The following ESRRB variants were observed in gnomAD, a reference collection of about 807,000 sequenced individuals.
The protein encoded by ESRRB is steroid hormone receptor ERR2.
ESRRB carries 16 observed loss-of-function variants against 46.0 expected under a neutral mutation model. The ratio of observed to expected loss-of-function variants is 0.35; its 90% CI spans 0.24 to 0.53. The LOEUF (loss-of-function observed/expected upper bound fraction) is 0.53. ESRRB is among the 20% of genes least tolerant of loss of function. The pLI is 0.93. For missense variants in ESRRB, 488 were observed against 607.4 expected (o/e 0.80, Z 2.07); for synonymous variants, 246 against 259.6 (o/e 0.95, Z 0.50).
At chr14:76,466,434 CTG>C (rs1889113167) in intron 3 of ESRRB, among the ~76,000 whole-genome samples, 1 of 152,136 alleles carries the variant, frequency 6.6e-6, no homozygotes, top group African/African-American at 2.4e-5. Context: ...TCTCTTAAGA[CTG>C]TGGCCAGCTC....
intron 6 of ESRRB, among the ~76,000 whole-genome samples, chr14:76,492,615 G>T (rs1890274201): frequency 6.6e-6 from 1 of 152,332 alleles, no homozygotes; most frequent in South Asian, 2.1e-4. Context: ...GTTAAAAAGT[G>T]TCAGAGTTAA....
In ESRRB at chr14:76,499,811, A is replaced by C; in HGVS notation, c.*1353A>C. 2.0e-6 allele frequency: 3 copies of C among 1,508,060 alleles called. No homozygotes were observed. Among genetic ancestry groups the C allele is most frequent in the Non-Finnish European group, 2.8e-6 (3 of 1,083,306 alleles). 93.4% of individuals were successfully genotyped at this position (1,508,060 alleles called of 1,614,324 possible). ...CACTCTATTTCTGTGGATGGCCGTGAAAGTTTTCACTAACTCAAGGGGCAG... is the reference window on the plus strand; with the variant it reads ...CACTCTATTTCTGTGGATGGCCGTGCAAGTTTTCACTAACTCAAGGGGCAG... On this transcript the variant is annotated 3_prime_UTR_variant, in exon 7 of 7. Transcript: ENST00000644823.
chr14:76,364,635 T>A (rs1273417787), intron 1 of ESRRB, among the ~76,000 whole-genome samples: 6 of 150,810 alleles, frequency 4.0e-5, no homozygotes, highest in African/African-American at 1.5e-4. Context: ...GAGGGTGCAG[T>A]GAGGTGAGAT....
chr14:76,456,768 G>A (rs191099854), intron 2 of ESRRB, among the ~76,000 whole-genome samples: 94 of 152,292 alleles, frequency 6.2e-4, no homozygotes, highest in African/African-American at 2.1e-3. Context: ...TGCCAATTTC[G>A]TGATAGTGGA....
intron 3 of ESRRB, among the ~76,000 whole-genome samples, chr14:76,479,350 G>A (rs1003398322): frequency 1.8e-4 from 27 of 152,152 alleles, no homozygotes; most frequent in Admixed American, 5.9e-4. Context: ...CAAAGCAGCC[G>A]GTAGCTGGGA....
Position 76,439,801 on chromosome 14 carries a change from G to C in ESRRB, c.460+51G>C, listed in dbSNP as rs768452968. 1.9e-6 allele frequency: 3 copies of C among 1,587,222 alleles called. No homozygotes were observed. The African/African-American group carries it at 4.0e-5, about 21-fold the overall frequency. On this transcript the variant is annotated intron_variant, in intron 2 of 6. Transcript: ENST00000644823. The stretch of plus-strand genomic sequence containing the variant: ...GGGCGCAGGGTTGGGGGTGGCAGCC[G>C]TGCCTGCGGGTCTGGCAGAAGCCCT...
At chr14:76,459,893 G>A (rs1888780050) in intron 2 of ESRRB, among the ~76,000 whole-genome samples, 1 of 152,070 alleles carries the variant, frequency 6.6e-6, no homozygotes, top group African/African-American at 2.4e-5. Flanking sequence ...ACTTGAGACA[G>A]GGAGAGAGAG....
chr14:76,325,050 C>T (rs978038188), intron 1 of ESRRB, among the ~76,000 whole-genome samples: 1 of 150,446 alleles, frequency 6.6e-6, no homozygotes, highest in Admixed American at 6.6e-5. Context: ...CTGCAACCTC[C>T]GCCTCCCAGG....
In ESRRB at chr14:76,482,226, G is replaced by C; in HGVS notation, c.688+100G>C. On this transcript the variant is annotated intron_variant, in intron 4 of 6. Transcript: ENST00000644823. This position sits in a 1 kb window ranked among gnomAD's most constrained non-coding sequence, Gnocchi z 4.3. ...TCATCTTCCCACCACTGGGTCATGA[G>C]ACAATGTGGATCTTGGGGAGGTGAC... The C allele has an allele frequency of 2.2e-6, 2 of 896,890 alleles. No individual in the cohort carries two copies. Among genetic ancestry groups the C allele is most frequent in the Non-Finnish European group, 3.6e-6 (2 of 550,026 alleles). The allele number at this position is 896,890 out of a possible 1,614,324, so 55.6% of individuals were successfully genotyped here. A position where few individuals can be genotyped will look rare whatever the true frequency, so the allele number is the denominator to read the frequency against.
rs980755915 is a variant in ESRRB, at chr14:76,500,510, T to G, written c.*2052T>G. 3.1e-6 allele frequency: 2 copies of G among 651,028 alleles called. No homozygotes were observed. Among genetic ancestry groups the G allele is most frequent in the African/African-American group, 3.6e-5 (2 of 56,148 alleles). 40.3% of individuals were successfully genotyped at this position (651,028 alleles called of 1,614,324 possible). On this transcript the variant is annotated 3_prime_UTR_variant, in exon 7 of 7. Transcript: ENST00000644823. Reference sequence around the variant, plus strand: ...TAGAGGCTCTGCCCTGAGGTTCTGCTCCGGAGAAACCTTCACAGTAGAGAC... The same window carrying G: ...TAGAGGCTCTGCCCTGAGGTTCTGCGCCGGAGAAACCTTCACAGTAGAGAC...
intron 5 of ESRRB, among the ~76,000 whole-genome samples, chr14:76,485,775 G>A (rs999476097): frequency 1.3e-5 from 2 of 152,298 alleles, no homozygotes; most frequent in East Asian, 3.9e-4. Context: ...GAAAGAGGGG[G>A]ACTGGCCACT....
At chr14:76,391,824 GGTGGGGTCT>G (rs1885482359) in intron 1 of ESRRB, among the ~76,000 whole-genome samples, 1 of 152,132 alleles carries the variant, frequency 6.6e-6, no homozygotes, top group African/African-American at 2.4e-5. Context: ...TGAGGAGGTG[GGTGGGGTCT>G]GAACTTAGTT....
intron 2 of ESRRB, among the ~76,000 whole-genome samples, chr14:76,458,425 G>GACACACACAC (rs58562150): frequency 3.0e-4 from 41 of 134,938 alleles, no homozygotes; most frequent in Middle Eastern, 3.8e-3. Context: ...CTCTCTCTCT[G>GACACACACAC]ACACACACAC....
intron 6 of ESRRB, among the ~76,000 whole-genome samples, chr14:76,496,579 T>C (rs1228326496): frequency 2.0e-5 from 3 of 151,882 alleles, no homozygotes; most frequent in Non-Finnish European, 4.4e-5. Context: ...GGAAGGGTTG[T>C]GCGGGAGTGA....
At chr14:76,435,355 G>T (rs1887628858) in intron 1 of ESRRB, among the ~76,000 whole-genome samples, 1 of 152,246 alleles carries the variant, frequency 6.6e-6, no homozygotes, top group South Asian at 2.1e-4. Flanking sequence ...GCCCTTTCTG[G>T]CACTCTGTGC....
chr14:76,319,903 G>C (rs1009390919), intron 1 of ESRRB, among the ~76,000 whole-genome samples: 1 of 152,058 alleles, frequency 6.6e-6, no homozygotes, highest in Non-Finnish European at 1.5e-5. Flanking sequence ...CTAGAGACAC[G>C]ATGATACCAT....
chr14:76,428,144 A>G (rs1368078649), intron 1 of ESRRB, among the ~76,000 whole-genome samples: 1 of 152,126 alleles, frequency 6.6e-6, no homozygotes, highest in Non-Finnish European at 1.5e-5. Context: ...GATTACAGGC[A>G]TGCACCACCA....
intron 1 of ESRRB, among the ~76,000 whole-genome samples, chr14:76,362,007 T>C (rs1884470556): frequency 6.6e-6 from 1 of 152,224 alleles, no homozygotes; most frequent in Non-Finnish European, 1.5e-5. Context: ...TCAGCTGTGC[T>C]CTGCCCTGAG....
At chr14:76,399,894 C>T (rs954752570) in intron 1 of ESRRB, among the ~76,000 whole-genome samples, 25 of 152,168 alleles carry the variant, frequency 1.6e-4, no homozygotes, top group Admixed American at 1.0e-3. Flanking sequence ...GGAGCAAACT[C>T]GGTGGGAGGT....
Sources: allele counts gnomAD v4.1 joint callset (sites outside exome capture counted in the v4.1 genomes callset), GRCh38; gene constraint gnomAD v4.1.1; non-coding constraint Gnocchi (gnomAD v3.1); transcripts MANE v1.5; gene names NCBI Gene and HGNC (gene_info 2026-07-23, HGNC 2026-07-21).